BCLAF3: variants seen among roughly 807,000 people sequenced by gnomAD.
The protein encoded by BCLAF3 is BCLAF1 and THRAP3 family member 3, also known as transient octamer binding factor 1.
In BCLAF3, 24 loss-of-function variants were observed where a neutral mutation model predicts 51.2. The ratio of observed to expected loss-of-function variants is 0.47; its 90% confidence interval spans 0.34 to 0.66. The LOEUF (loss-of-function observed/expected upper bound fraction) is 0.66, where lower values mean the gene tolerates loss of function less well. Ranked by LOEUF, BCLAF3 falls within the 30% of genes least tolerant of loss-of-function variation. The pLI, the probability that BCLAF3 is intolerant of heterozygous loss-of-function variation, is 0.01. For synonymous variants in BCLAF3, 152 were observed against 176.6 expected, an observed-to-expected ratio of 0.86 and a Z score of 1.10; for missense variants, 465 against 525.1, an observed-to-expected ratio of 0.89 and a Z score of 1.12.
chrX:19,952,535 A>G (rs2071523341), intron 7 of BCLAF3, among the ~76,000 whole-genome samples: 1 of 111,399 alleles, frequency 9.0e-6, no homozygotes, highest in African/African-American at 3.3e-5. Context: ...TTGCTAGTTC[A>G]TATTCCACAG....
At chrX:19,990,510 G>A (rs1157771327) in intron 1 of BCLAF3, among the ~76,000 whole-genome samples, 4 of 113,755 alleles carry the variant, frequency 3.5e-5, no homozygotes, top group Non-Finnish European at 7.5e-5. Context: ...CGCGTCCAGG[G>A]CCGCCTCGAG....
intron 8 of BCLAF3, among the ~76,000 whole-genome samples, chrX:19,944,103 CT>C (rs1471306970): frequency 1.8e-5 from 1 of 54,466 alleles, no homozygotes; most frequent in Non-Finnish European, 3.2e-5. Flanking sequence ...CAACCCCTGC[CT>C]TTTTTTGTTT....
rs2069918794 is a variant in BCLAF3 at position 19,915,560 on chromosome X, CAATA to C, written c.*1741_*1744del. On this transcript the variant is annotated 3_prime_UTR_variant, in exon 12 of 12. Coordinates refer to ENST00000379682, the MANE Select transcript of BCLAF3 (RefSeq NM_001367774.2). ...TCAGCCATCTTACCTTTATGTGTTACAATAAATAAAAAGCGAGCTATAAAGGCGA... is the reference window on the plus strand; with the variant it reads ...TCAGCCATCTTACCTTTATGTGTTACAATAAAAAGCGAGCTATAAAGGCGA... 9.0e-6 allele frequency: 1 copy of C among 111,704 alleles called. No individual in the cohort carries two copies. The highest frequency in any genetic ancestry group is 3.3e-5 in the African/African-American group (1 of 30,749). 9.2% of individuals were successfully genotyped at this position (111,704 alleles called of 1,213,427 possible).
chrX:19,981,917 T>G (rs1404571462), intron 1 of BCLAF3, among the ~76,000 whole-genome samples: 1 of 108,316 alleles, frequency 9.2e-6, no homozygotes, highest in Admixed American at 1.0e-4. Flanking sequence ...AGTTTCTTTT[T>G]GGGGGTGAAG....
chrX:19,936,113 G>C (rs2070747297), intron 9 of BCLAF3, among the ~76,000 whole-genome samples: 1 of 111,576 alleles, frequency 9.0e-6, no homozygotes, highest in Admixed American at 9.5e-5. Flanking sequence ...AGTTTGTGAG[G>C]AGCCAGGATC....
chrX:19,985,891 G>T (rs1037247656), intron 1 of BCLAF3, among the ~76,000 whole-genome samples: 20 of 111,491 alleles, frequency 1.8e-4, no homozygotes, highest in African/African-American at 6.2e-4. Context: ...AGGCTACAGT[G>T]AGCTGAGACA....
chrX:19,983,697 A>G (rs2072698680), intron 1 of BCLAF3, among the ~76,000 whole-genome samples: 1 of 109,777 alleles, frequency 9.1e-6, no homozygotes, highest in Non-Finnish European at 1.9e-5. Context: ...CCTGGGAAAG[A>G]GAGTGAGACA....
At chrX:19,939,416 C>T (rs1232540091) in intron 8 of BCLAF3, among the ~76,000 whole-genome samples, 2 of 111,695 alleles carry the variant, frequency 1.8e-5, no homozygotes, top group African/African-American at 6.5e-5. Flanking sequence ...AACTCCTACA[C>T]CTCAACAACA....
At chrX:19,918,486 C>T (rs937631241) in intron 11 of BCLAF3, among the ~76,000 whole-genome samples, 6 of 105,710 alleles carry the variant, frequency 5.7e-5, no homozygotes, top group Non-Finnish European at 7.7e-5. Context: ...CCTATCTCCA[C>T]TTGATCCCTC....
chrX:19,977,062 C>T (rs1034818552), intron 1 of BCLAF3, among the ~76,000 whole-genome samples: 6 of 111,549 alleles, frequency 5.4e-5, no homozygotes, highest in Non-Finnish European at 9.4e-5. Context: ...TTATAAGATG[C>T]GAACATAATC....
chrX:19,935,954 G>T, intron 9 of BCLAF3, 56 bp from the exon 10 acceptor site: 1 of 959,562 alleles, frequency 1.0e-6, no homozygotes, highest in Non-Finnish European at 1.5e-6. Context: ...TACTTTAAAA[G>T]CTTGTTTTAC....
intron 1 of BCLAF3, among the ~76,000 whole-genome samples, chrX:19,988,077 G>T (rs1346636208): frequency 8.9e-6 from 1 of 112,004 alleles, no homozygotes; most frequent in African/African-American, 3.2e-5. Context: ...TTGACATCAG[G>T]CATCACATCT....
intron 8 of BCLAF3, among the ~76,000 whole-genome samples, chrX:19,938,064 C>T (rs747076266): frequency 1.8e-5 from 2 of 111,211 alleles, no homozygotes; most frequent in South Asian, 3.8e-4. Context: ...TCCTCTCTCC[C>T]GTCATCATGA....
chrX:19,916,952 A>C lies in BCLAF3; in HGVS notation c.*353T>G. ...AATTCAGACACTTGTTTTTGTTTTT[A>C]TTATGTAAGCAAAACTTTCAACATA... On this transcript the variant is annotated 3_prime_UTR_variant, in exon 12 of 12. Coordinates refer to ENST00000379682, the MANE Select transcript of BCLAF3 (RefSeq NM_001367774.2). 1 of 181,624 alleles carries C rather than the reference A, an allele frequency of 5.5e-6. No homozygotes were observed. The highest frequency in any genetic ancestry group is 1.0e-5 in the Non-Finnish European group (1 of 99,682). The allele number at this position is 181,624 out of a possible 1,213,427, so 15.0% of individuals were successfully genotyped here. A position where few individuals can be genotyped will look rare whatever the true frequency, so the allele number is the denominator to read the frequency against.
At chrX:19,953,446 C>T (rs1053000052) in intron 6 of BCLAF3, among the ~76,000 whole-genome samples, 1 of 112,010 alleles carries the variant, frequency 8.9e-6, no homozygotes, top group Non-Finnish European at 1.9e-5. Flanking sequence ...CATATGATTT[C>T]GATGGCTTGA....
intron 8 of BCLAF3, among the ~76,000 whole-genome samples, chrX:19,940,401 A>G (rs2070974070): frequency 9.1e-6 from 1 of 110,286 alleles, no homozygotes; most frequent in South Asian, 3.8e-4. Context: ...AGCATTAGGT[A>G]TATCTCCCAA....
Position 19,917,298 on chromosome X carries a change from T to C in BCLAF3, c.*7A>G. On this transcript the variant is annotated 3_prime_UTR_variant, in exon 12 of 12. Transcript: ENST00000379682. Reference sequence around the variant, plus strand: ...TGTAGCGTCATTTCCATTTGTACGATTTCAGATTAGATTCCTGTGGCAACA... The same window carrying C: ...TGTAGCGTCATTTCCATTTGTACGACTTCAGATTAGATTCCTGTGGCAACA... The C allele has an allele frequency of 8.3e-7, 1 of 1,200,796 alleles. No homozygotes were observed. Among genetic ancestry groups the C allele is most frequent in the Non-Finnish European group, 1.1e-6 (1 of 886,779 alleles).
chrX:19,946,508 T>G (rs773494345), intron 8 of BCLAF3, among the ~76,000 whole-genome samples: 4 of 111,756 alleles, frequency 3.6e-5, no homozygotes, highest in African/African-American at 1.3e-4. Flanking sequence ...AAGGAAATAC[T>G]TTTTTTCTCT....
At chrX:19,980,698 G>T (rs2072582954) in intron 1 of BCLAF3, among the ~76,000 whole-genome samples, 1 of 111,647 alleles carries the variant, frequency 9.0e-6, no homozygotes, top group African/African-American at 3.3e-5. Context: ...AGCACTTTGG[G>T]AGGCTGAGGT....
Sources: gnomAD v4.1 joint callset for allele counts (sites outside exome capture counted in the v4.1 genomes callset) on GRCh38, gnomAD v4.1.1 for gene constraint, MANE v1.5 for transcripts, NCBI Gene and HGNC (gene_info 2026-07-23, HGNC 2026-07-21) for gene names.